The following TTC39B variants were observed in gnomAD, a reference collection of about 807,000 sequenced individuals.
TTC39B encodes tetratricopeptide repeat domain 39B.
Under a neutral mutation model 96.6 loss-of-function variants are expected in TTC39B, and 92 were observed. The ratio of observed to expected loss-of-function variants is 0.95; its 90% CI spans 0.80 to 1.13. The LOEUF is 1.13. TTC39B is among the 50% of genes most tolerant of loss of function. The pLI, the probability that TTC39B is intolerant of heterozygous loss-of-function variation, is 0.00. For synonymous variants in TTC39B, 367 were observed against 299.4 expected, an observed-to-expected ratio of 1.23 and a Z score of -2.33; for missense variants, 955 against 809.3, an observed-to-expected ratio of 1.18 and a Z score of -2.18.
At chr9:15,214,313 G>GGA (rs1319628898) in intron 3 of TTC39B, 64 bp from the exon 4 acceptor site, 3 of 1,041,840 alleles carry the variant, frequency 2.9e-6, no homozygotes, top group Non-Finnish European at 1.4e-6. Flanking sequence ...TTGTCCGAAG[G>GGA]GAGTGTGTGT....
At chr9:15,268,016 G>C (rs1340185056) in intron 1 of TTC39B, 68 bp from the exon 2 acceptor site, 1 of 1,478,152 alleles carries the variant, frequency 6.8e-7, no homozygotes, top group Non-Finnish European at 9.4e-7. Context: ...AATTCTAAAA[G>C]AGAAAATGAA....
chr9:15,215,111 C>G (rs973320893), intron 3 of TTC39B, among the ~76,000 whole-genome samples: 1 of 151,948 alleles, frequency 6.6e-6, no homozygotes, highest in Non-Finnish European at 1.5e-5. Context: ...TTTTAAATAG[C>G]CAGGCATGTG....
intron 1 of TTC39B, among the ~76,000 whole-genome samples, chr9:15,283,211 G>A (rs925960657): frequency 6.6e-6 from 1 of 152,126 alleles, no homozygotes; most frequent in African/African-American, 2.4e-5. Flanking sequence ...TATGTATCAA[G>A]TGGAATATCA....
At chr9:15,206,502 G>A (rs531586640) in intron 6 of TTC39B, among the ~76,000 whole-genome samples, 14 of 152,158 alleles carry the variant, frequency 9.2e-5, no homozygotes, top group Non-Finnish European at 2.1e-4. Flanking sequence ...TTTCACTGTG[G>A]TTGATTTACA....
At position 15,259,530 on chromosome 9, in the gene TTC39B, T is replaced by C. The variant is rs539011978; in HGVS notation, c.275+8384A>G. On this transcript the variant is annotated intron_variant, in intron 2 of 19. Coordinates refer to ENST00000512701, the Ensembl canonical transcript of TTC39B. ...TTGTTTATAGCAGCATTATTCACAA[T>C]AGCCAAAAACTGGAAAAGACTCAAA... 1.1e-4 allele frequency among the ~76,000 whole-genome samples: 17 copies of C among 152,294 alleles called. No individual in the cohort carries two copies. The South Asian group carries it at 3.5e-3, about 32-fold the overall frequency.
At chr9:15,175,851 C>G (rs868478450) in intron 18 of TTC39B, among the ~76,000 whole-genome samples, 6 of 152,170 alleles carry the variant, frequency 3.9e-5, no homozygotes, top group Non-Finnish European at 2.9e-5. Flanking sequence ...AAGCAGGGAG[C>G]TGAAACTGAG....
At chr9:15,176,925 C>T in intron 18 of TTC39B, among the ~76,000 whole-genome samples, 1 of 152,174 alleles carries the variant, frequency 6.6e-6, no homozygotes, top group Non-Finnish European at 1.5e-5. Flanking sequence ...AGCAGGACAT[C>T]ATCATCAATG....
At chr9:15,270,538 C>G in intron 1 of TTC39B, among the ~76,000 whole-genome samples, 1 of 151,580 alleles carries the variant, frequency 6.6e-6, no homozygotes, top group East Asian at 1.9e-4. Context: ...ACTTGGGAAG[C>G]CAACCCTCCG....
intron 8 of TTC39B, among the ~76,000 whole-genome samples, chr9:15,193,952 C>A (rs866453695): frequency 6.6e-6 from 1 of 152,120 alleles, no homozygotes; most frequent in Non-Finnish European, 1.5e-5. Context: ...CAGCTAACCT[C>A]GATATCCAGG....
At chr9:15,266,752 T>TG (rs1823146163) in intron 2 of TTC39B, among the ~76,000 whole-genome samples, 2 of 151,638 alleles carry the variant, frequency 1.3e-5, no homozygotes, top group African/African-American at 4.9e-5. Flanking sequence ...GTCAGGAGAG[T>TG]GGGGTCCTCA....
chr9:15,299,976 A>G (rs1309658278), intron 1 of TTC39B, among the ~76,000 whole-genome samples: 1 of 152,082 alleles, frequency 6.6e-6, no homozygotes, highest in Admixed American at 6.5e-5. Flanking sequence ...CAGGGTTTCA[A>G]GAGACTCAAG....
chr9:15,250,725 T>A (rs1295893292), intron 2 of TTC39B, among the ~76,000 whole-genome samples: 9 of 152,196 alleles, frequency 5.9e-5, no homozygotes, highest in African/African-American at 2.2e-4. Context: ...TCAAAGACCC[T>A]AAGATAGAAC....
chr9:15,175,973 C>T (rs7031799), intron 18 of TTC39B, among the ~76,000 whole-genome samples: 1,930 of 152,248 alleles, frequency 0.013, 45 homozygotes, highest in African/African-American at 0.044. Flanking sequence ...TCTCCTTGGC[C>T]AGCACTTTCA....
intron 1 of TTC39B, among the ~76,000 whole-genome samples, chr9:15,278,477 G>C (rs1823631825): frequency 1.3e-5 from 2 of 152,122 alleles, no homozygotes; most frequent in Non-Finnish European, 2.9e-5. Flanking sequence ...AATCCACCTT[G>C]TAAATCATTT....
chr9:15,302,418 C>T (rs1317318596), intron 1 of TTC39B, among the ~76,000 whole-genome samples: 1 of 149,856 alleles, frequency 6.7e-6, no homozygotes, highest in Non-Finnish European at 1.5e-5. Flanking sequence ...AGTTCGAGAC[C>T]AGCCTGGCCA....
chr9:15,192,622 C>A, exon 9 of TTC39B: 1 of 1,613,984 alleles, frequency 6.2e-7, no homozygotes, highest in South Asian at 1.1e-5. Context: ...AGCTTGACAC[C>A]CCCTTCAAAC....
intron 2 of TTC39B, among the ~76,000 whole-genome samples, chr9:15,248,749 A>T (rs1822396727): frequency 6.6e-6 from 1 of 152,220 alleles, no homozygotes; most frequent in Non-Finnish European, 1.5e-5. Context: ...CAAAATGTTT[A>T]AAAATAAAAA....
At chr9:15,261,472 C>CA (rs79635544) in intron 2 of TTC39B, among the ~76,000 whole-genome samples, 35 of 150,882 alleles carry the variant, frequency 2.3e-4, no homozygotes, top group African/African-American at 6.6e-4. Context: ...GAGATCCTAT[C>CA]AAAAAAAAAC....
rs1010238166 is a variant in TTC39B at position 15,211,142 on chromosome 9, T to A, written c.614+124A>T. On this transcript the variant is annotated intron_variant, in intron 5 of 19. Coordinates refer to ENST00000512701, the Ensembl canonical transcript of TTC39B. ...GGAATCCTTCAGCTTCGAGGCTGAA[T>A]TTCTTTTCTGTAACTGTGGCCAATT... The A allele has an allele frequency of 3.4e-6, 4 of 1,167,750 alleles. No individual in the cohort carries two copies. The African/African-American group carries it at 6.4e-5, about 19-fold the overall frequency. The allele number at this position is 1,167,750 out of a possible 1,614,324, so 72.3% of individuals were successfully genotyped here.
Sources: gnomAD v4.1 joint callset for allele counts (sites outside exome capture counted in the v4.1 genomes callset) on GRCh38, gnomAD v4.1.1 for gene constraint, MANE v1.5 for transcripts, NCBI Gene and HGNC (gene_info 2026-07-23, HGNC 2026-07-21) for gene names.